Variants in ABCA2 observed in about 807,000 individuals in gnomAD.
ABCA2 encodes the protein ATP binding cassette subfamily A member 2, also known as ATP-binding cassette sub-family A member 2.
In ABCA2, 84 loss-of-function variants were observed where a neutral mutation model predicts 262.8. That is an observed-to-expected ratio of 0.32 (90% confidence interval 0.27 to 0.38). The LOEUF is 0.38. ABCA2 is among the 10% of genes least tolerant of loss of function. The probability of loss-of-function intolerance (pLI) is 1.00; values close to 1 mark genes in which losing one functional copy is unlikely to be tolerated. For missense variants in ABCA2, 2,662 were observed against 3,405.9 expected (o/e 0.78, Z 5.44); for synonymous variants, 1,696 against 1,502.9 (o/e 1.13, Z -2.97).
In ABCA2 at chr9:137,008,900, G is replaced by C. The variant is rs866545067; in HGVS notation, c.6931-32C>G. 3,219 of 1,556,526 alleles carry C rather than the reference G, an allele frequency of 2.1e-3. 9 individuals carry two copies. Among genetic ancestry groups the C allele is most frequent in the Middle Eastern group, 6.5e-3 (38 of 5,862 alleles). ...GGGGGGAGGTCAGAGGCCTGGCAGC[G>C]CCCCCCCACCCCGTAGCGCCCCCTC... On this transcript the variant is annotated intron_variant, in intron 46 of 48. Transcript: ENST00000341511.
intron 1 of ABCA2, among the ~76,000 whole-genome samples, chr9:137,024,643 C>G (rs181793119): frequency 6.6e-6 from 1 of 152,206 alleles, no homozygotes; most frequent in Admixed American, 6.5e-5. Context: ...CACACTGCCC[C>G]GGGTTCACCT....
In ABCA2 at chr9:137,020,949, ACATCCTGCAGAACCTTCTGGG is replaced by A. The variant is rs1454243234; in HGVS notation, c.989_1009del (p.Ala330_Asp336del). 1 of 1,564,790 alleles carries A rather than the reference ACATCCTGCAGAACCTTCTGGG, an allele frequency of 6.4e-7. No individual in the cohort carries two copies. ...CAGGGCCAGGGCCGACAGGACATCC[ACATCCTGCAGAACCTTCTGGG>A]CATCCAGCAGGTCCCCCAGAAGCGC... On this transcript the variant is annotated inframe_deletion, in exon 9 of 49. Coordinates refer to ENST00000341511, the MANE Select transcript of ABCA2 (RefSeq NM_001606.5).
At chr9:137,014,580 C>T (rs2131443768) in intron 26 of ABCA2, 110 bp downstream of exon 26, 1 of 1,496,312 alleles carries the variant, frequency 6.7e-7, no homozygotes, top group Middle Eastern at 2.0e-4. Context: ...CCCCTGGCTT[C>T]CACCCAGGAC....
intron 1 of ABCA2, 78 bp downstream of exon 1, chr9:137,027,997 A>G: frequency 2.5e-6 from 2 of 809,434 alleles, no homozygotes; most frequent in Non-Finnish European, 3.0e-6. Context: ...GGCCGTCCGC[A>G]CGTGCGCGCG....
chr9:137,021,360 G>A lies in ABCA2; in HGVS notation c.897+32C>T, dbSNP rs1831446251. On this transcript the variant is annotated intron_variant, in intron 8 of 48. Transcript: ENST00000341511. The surrounding 1 kb of genome is among the most constrained non-coding windows in gnomAD (Gnocchi z 6.0). ...CCTCCTTCAACTCAGGCAGCAAGCAGCGCAGCGGGCAGTGGGCAGGCAGGG... is the reference window on the plus strand; with the variant it reads ...CCTCCTTCAACTCAGGCAGCAAGCAACGCAGCGGGCAGTGGGCAGGCAGGG... 6.3e-7 allele frequency: 1 copy of A among 1,596,534 alleles called. No homozygotes were observed. The highest frequency in any genetic ancestry group is 1.1e-5 in the South Asian group (1 of 90,712).
rs750748612 is a variant in ABCA2 at position 137,014,283 on chromosome 9, C to T, written c.4125G>A (p.Ser1375=). ...ELTQSQASLQ[S]ASSVGSARGD... ...CACGGGCAGAGCCCACAGATGACGC[C>T]GACTGCAGCGATGCCTGCGACTGGG... The change falls in exon 27 of 49, where the codon TCG becomes TCA. Residue 1375 remains serine (S), a synonymous_variant. Transcript: ENST00000341511. 1.3e-5 allele frequency: 21 copies of T among 1,611,128 alleles called. No homozygotes were observed. The highest frequency in any genetic ancestry group is 5.3e-5 in the African/African-American group (4 of 74,912).
Position 137,018,323 on chromosome 9 carries a change from G to GCCGTCCTT in ABCA2, c.1840_1847dup (p.Ser617ArgfsTer53). The GCCGTCCTT allele has an allele frequency of 6.2e-7, 1 of 1,600,732 alleles. No homozygotes were observed. The highest frequency in any genetic ancestry group is 8.5e-7 in the Non-Finnish European group (1 of 1,177,488). The stretch of plus-strand genomic sequence containing the variant: ...TGTAGTGCACGTGAGGCGGGAGCGA[G>GCCGTCCTT]CCGTCCTTCCGGGTCTGGAAGATCA... On this transcript the variant is annotated frameshift_variant, in exon 14 of 49. Transcript: ENST00000341511. LOFTEE classifies it high-confidence loss of function.
At position 137,020,793 on chromosome 9, in the gene ABCA2, G is replaced by A; in HGVS notation, c.1166C>T (p.Ser389Phe). Residue 389 changes from serine (S) to phenylalanine (F), a missense_variant, in exon 9 of 49, where the codon TCT becomes TTT. Ser to Phe is a radical substitution (Grantham distance 155, BLOSUM62 -2). Around this residue, in one of 12 missense-constraint regions of ABCA2, gnomAD observed 403 missense variants for 375.9 expected, o/e 1.07. Transcript: ENST00000341511. ...GTCCGGGGTGGCCAGTGCTGCAGCA[G>A]AGGGTGCGCCCTCCTCAGCGGTGGC... ...PNATAEEGAP[S>F]AAALATPDTL... The A allele has an allele frequency of 1.9e-6, 3 of 1,588,022 alleles. No homozygotes were observed. Among genetic ancestry groups the A allele is most frequent in the Non-Finnish European group, 2.6e-6 (3 of 1,168,796 alleles).
Position 137,007,639 on chromosome 9 carries a change from AGTGCCAGGCAGGGGCGAG to A in ABCA2, c.*272_*289del. On this transcript the variant is annotated 3_prime_UTR_variant, in exon 49 of 49. Transcript: ENST00000341511. ...GCCGGCGTCGCCTTGGGCGGTGAGCAGTGCCAGGCAGGGGCGAGGGGCCGGGCAGACCCCGAGGCTTTA... is the reference window on the plus strand; with the variant it reads ...GCCGGCGTCGCCTTGGGCGGTGAGCAGGGCCGGGCAGACCCCGAGGCTTTA... 1.9e-6 allele frequency: 1 copy of A among 524,668 alleles called. No homozygotes were observed. Among genetic ancestry groups the A allele is most frequent in the Non-Finnish European group, 3.4e-6 (1 of 291,588 alleles). 32.5% of individuals were successfully genotyped at this position (524,668 alleles called of 1,614,324 possible).
At position 137,018,961 on chromosome 9, in the gene ABCA2, A is replaced by G; in HGVS notation, c.1664T>C (p.Leu555Pro). 1 of 1,613,010 alleles carries G rather than the reference A, an allele frequency of 6.2e-7. No individual in the cohort carries two copies. Reference protein sequence around the residue: ...NFSLPSGMALLQQLDTIDNAA... With the variant: ...NFSLPSGMALPQQLDTIDNAA... ...GTTGTCAATGGTATCCAGCTGCTGC[A>G]GGAGGGCCATGCCACTGGGCAGCGA... Residue 555 changes from leucine (L) to proline (P), a missense_variant, in exon 12 of 49, where the codon CTG (leucine) becomes CCG (proline). Physicochemically the swap from Leu to Pro is moderately conservative, Grantham distance 98. This residue lies in a region of ABCA2 where 187 missense variants were observed against 205.9 expected (regional missense o/e 0.91). Transcript: ENST00000341511.
Position 137,022,019 on chromosome 9 carries a change from A to ATGGTTCAGATGGGGGTG in ABCA2, c.568-19_568-18insCACCCCCATCTGAACCA, listed in dbSNP as rs1831471475. ...TGGTAGACCTAGGAGGTGTGGGGGA[A>ATGGTTCAGATGGGGGTG]TGGCTCAGATGGGGTGTGGGGGGCG... On this transcript the variant is annotated intron_variant, in intron 6 of 48. Coordinates refer to ENST00000341511, the MANE Select transcript of ABCA2 (RefSeq NM_001606.5). The ATGGTTCAGATGGGGGTG allele has an allele frequency of 2.3e-6, 3 of 1,327,836 alleles. No individual in the cohort carries two copies. Among genetic ancestry groups the ATGGTTCAGATGGGGGTG allele is most frequent in the Non-Finnish European group, 3.1e-6 (3 of 970,880 alleles). 82.3% of individuals were successfully genotyped at this position (1,327,836 alleles called of 1,614,324 possible). A position where few individuals can be genotyped will look rare whatever the true frequency, so the allele number is the denominator to read the frequency against.
intron 14 of ABCA2, 46 bp downstream of exon 14, chr9:137,018,132 C>T (rs774318139): frequency 1.2e-6 from 2 of 1,610,082 alleles, no homozygotes; most frequent in Non-Finnish European, 1.7e-6. Context: ...TCACACCTGT[C>T]CTCCCCCATG....
At chr9:137,018,525 G>C (rs1356884330) in intron 13 of ABCA2, among the ~76,000 whole-genome samples, 174 bp from the exon 14 acceptor site, 3 of 113,382 alleles carry the variant, frequency 2.6e-5, no homozygotes, top group African/African-American at 1.1e-4. Flanking sequence ...GGCAGAAGTG[G>C]GGAGGTGCAG....
rs928854000 is a variant in ABCA2, at chr9:137,008,107, G to C, written c.7276-143C>G. Reference sequence around the variant, plus strand: ...CCCCACGAGCTCCCTCTGTGTCTGGGCTCTCCCGGGCCTCCGTCTGCCGAG... The same window carrying C: ...CCCCACGAGCTCCCTCTGTGTCTGGCCTCTCCCGGGCCTCCGTCTGCCGAG... On this transcript the variant is annotated intron_variant, in intron 48 of 48. Coordinates refer to ENST00000341511, the MANE Select transcript of ABCA2 (RefSeq NM_001606.5). The C allele has an allele frequency of 8.4e-6, 9 of 1,068,792 alleles. No individual in the cohort carries two copies. In the Admixed American group the frequency reaches 2.1e-4, roughly 25 times the overall value. 66.2% of individuals were successfully genotyped at this position (1,068,792 alleles called of 1,614,324 possible). A position where few individuals can be genotyped will look rare whatever the true frequency, so the allele number is the denominator to read the frequency against.
At position 137,013,577 on chromosome 9, in the gene ABCA2, C is replaced by A; in HGVS notation, c.4448-14G>T. The A allele has an allele frequency of 6.3e-7, 1 of 1,599,538 alleles. No individual in the cohort carries two copies. The highest frequency in any genetic ancestry group is 1.7e-4 in the Middle Eastern group (1 of 6,014). ...GGGGCAGATCACCTGGCAGGGCGAG[C>A]AGGGAGGCCTGAGCAGGTTCTGCCC... On this transcript the variant is annotated splice_polypyrimidine_tract_variant and intron_variant, in intron 28 of 48. Transcript: ENST00000341511.
rs1413233202 is a variant in ABCA2 at position 137,018,336 on chromosome 9, G to A, written c.1835C>T (p.Thr612Ile). 1 of 1,580,046 alleles carries A rather than the reference G, an allele frequency of 6.3e-7. No individual in the cohort carries two copies. Among genetic ancestry groups the A allele is most frequent in the Non-Finnish European group, 8.6e-7 (1 of 1,166,182 alleles). Residue 612 changes from threonine (T) to isoleucine (I), a missense_variant, in exon 14 of 49, where the codon ACC becomes ATC. Physicochemically the swap from Thr to Ile is moderately conservative, Grantham distance 89. This residue lies in a region of ABCA2 where 187 missense variants were observed against 205.9 expected (regional missense o/e 0.91). Coordinates refer to ENST00000341511, the MANE Select transcript of ABCA2 (RefSeq NM_001606.5). The part of the protein sequence containing the change: ...VTVFASVIFQ[T>I]RKDGSLPPHV... ...AGGCGGGAGCGAGCCGTCCTTCCGG[G>A]TCTGGAAGATCACACCTGGGGCCGG...
At position 137,011,026 on chromosome 9, in the gene ABCA2, G is replaced by A. The variant is rs761637263; in HGVS notation, c.6003C>T (p.Val2001=). The change falls in exon 39 of 49, where the codon GTC becomes GTT. Residue 2001 remains valine (V), a synonymous_variant. Transcript: ENST00000341511. The surrounding 1 kb of genome is among the most constrained non-coding windows in gnomAD (Gnocchi z 8.8). ...ACATGATGGTCAGGAGGAAGCCCACGACGCCCTCAACCGCCATGGCCACCA... is the reference window on the plus strand; with the variant it reads ...ACATGATGGTCAGGAGGAAGCCCACAACGCCCTCAACCGCCATGGCCACCA... ...RGLVAMAVEG[V]VGFLLTIMCQ... 29 of 1,588,442 alleles carry A rather than the reference G, an allele frequency of 1.8e-5. No individual in the cohort carries two copies. The highest frequency in any genetic ancestry group is 2.1e-5 in the Non-Finnish European group (24 of 1,166,562).
intron 28 of ABCA2, 93 bp from the exon 29 acceptor site, chr9:137,013,656 A>C: frequency 7.1e-7 from 1 of 1,400,172 alleles, no homozygotes; most frequent in Non-Finnish European, 9.8e-7. Flanking sequence ...CAAGGGATCC[A>C]CGCCTGGGGT....
chr9:137,014,600 GC>G, intron 26 of ABCA2, 89 bp downstream of exon 26: 3 of 1,519,732 alleles, frequency 2.0e-6, no homozygotes, highest in Non-Finnish European at 2.7e-6. Flanking sequence ...CCAGGGTGGC[GC>G]CCCCAGACAC....
Sources: allele counts gnomAD v4.1 joint callset (sites outside exome capture counted in the v4.1 genomes callset), GRCh38; gene constraint gnomAD v4.1.1; regional missense constraint gnomAD v4.1.1; non-coding constraint Gnocchi (gnomAD v3.1); transcripts MANE v1.5; gene names NCBI Gene and HGNC (gene_info 2026-07-23, HGNC 2026-07-21).